Variants in EFCAB6 observed in about 807,000 individuals in gnomAD.
The protein encoded by EFCAB6 is EF-hand calcium-binding domain-containing protein 6.
In EFCAB6, 156 loss-of-function variants were observed where a neutral mutation model predicts 169.8. The observed-to-expected ratio is 0.92, with a 90% CI of 0.81 to 1.05. The LOEUF is 1.05. Ranked by LOEUF, EFCAB6 falls within the 50% of genes least tolerant of loss-of-function variation. EFCAB6 has a pLI of 0.00. For synonymous variants in EFCAB6, 698 were observed against 676.4 expected (o/e 1.03, Z -0.50); for missense variants, 1,800 against 1,829.1 (o/e 0.98, Z 0.29).
intron 13 of EFCAB6, among the ~76,000 whole-genome samples, chr22:43,672,893 T>A (rs2057555868): frequency 6.8e-6 from 1 of 148,080 alleles, no homozygotes; most frequent in African/African-American, 2.5e-5. Flanking sequence ...TAAAAAAAAA[T>A]AGCATTTAAC....
chr22:43,577,799 C>T (rs898790773), intron 25 of EFCAB6, among the ~76,000 whole-genome samples: 1 of 151,740 alleles, frequency 6.6e-6, no homozygotes, highest in Non-Finnish European at 1.5e-5. Context: ...TCCTTCCCTC[C>T]CCACATTTAA....
At chr22:43,563,220 A>G (rs1031807502) in intron 26 of EFCAB6, among the ~76,000 whole-genome samples, 3 of 152,172 alleles carry the variant, frequency 2.0e-5, no homozygotes, top group African/African-American at 7.2e-5. Context: ...TCATAAACCC[A>G]GGGCTCAGGC....
chr22:43,574,074 C>G (rs2050070129), intron 26 of EFCAB6, among the ~76,000 whole-genome samples: 3 of 151,644 alleles, frequency 2.0e-5, no homozygotes, highest in Admixed American at 2.0e-4. Flanking sequence ...GAAATGAACC[C>G]AAAATGTAGA....
intron 10 of EFCAB6, among the ~76,000 whole-genome samples, chr22:43,700,624 C>T (rs1361009018): frequency 6.6e-6 from 1 of 152,180 alleles, no homozygotes; most frequent in Admixed American, 6.5e-5. Context: ...TGGAGACTCA[C>T]CTTCCCTCAC....
At chr22:43,587,250 G>GGA (rs1423554786) in intron 24 of EFCAB6, among the ~76,000 whole-genome samples, 284 of 152,282 alleles carry the variant, frequency 1.9e-3, no homozygotes, top group African/African-American at 6.5e-3. Context: ...TTGTTTCTGA[G>GGA]CAGGAGGGCA....
intron 25 of EFCAB6, among the ~76,000 whole-genome samples, chr22:43,580,158 G>A (rs992757985): frequency 6.6e-6 from 1 of 152,132 alleles, no homozygotes; most frequent in African/African-American, 2.4e-5. Flanking sequence ...TGGCTGCGTT[G>A]AGAGCTCCCA....
At chr22:43,681,435 C>T (rs572664565) in intron 12 of EFCAB6, among the ~76,000 whole-genome samples, 1 of 152,234 alleles carries the variant, frequency 6.6e-6, no homozygotes, top group East Asian at 1.9e-4. Flanking sequence ...GATGCCTTTG[C>T]TTGGTTTTGG....
chr22:43,695,314 T>C (rs1161753217), intron 10 of EFCAB6, among the ~76,000 whole-genome samples: 1 of 151,998 alleles, frequency 6.6e-6, no homozygotes, highest in African/African-American at 2.4e-5. Flanking sequence ...GATCCGAACA[T>C]TGTAAACAAT....
chr22:43,794,730 T>A (rs2148134577), intron 2 of EFCAB6, among the ~76,000 whole-genome samples: 2 of 152,342 alleles, frequency 1.3e-5, no homozygotes, highest in Admixed American at 1.3e-4. Flanking sequence ...CCAGCATTCG[T>A]GCCACCAACA....
At chr22:43,577,055 G>A (rs536281450) in intron 25 of EFCAB6, among the ~76,000 whole-genome samples, 51 of 152,300 alleles carry the variant, frequency 3.3e-4, no homozygotes, top group Non-Finnish European at 5.9e-5. Context: ...TGAGGTTGCT[G>A]TCCTTTCCTG....
At chr22:43,767,482 A>G (rs1028606431) in intron 4 of EFCAB6, among the ~76,000 whole-genome samples, 6 of 152,236 alleles carry the variant, frequency 3.9e-5, no homozygotes, top group Admixed American at 2.6e-4. Flanking sequence ...TTTGGAAGTG[A>G]TAAGAGGAAA....
chr22:43,579,296 T>C (rs563628277), intron 25 of EFCAB6, among the ~76,000 whole-genome samples: 1 of 150,722 alleles, frequency 6.6e-6, no homozygotes, highest in South Asian at 2.1e-4. Flanking sequence ...GCAGGCATTA[T>C]TTCCTACAGA....
At chr22:43,766,177 AGGCACACAT>A (rs2061321989) in intron 4 of EFCAB6, among the ~76,000 whole-genome samples, 1 of 152,126 alleles carries the variant, frequency 6.6e-6, no homozygotes, top group African/African-American at 2.4e-5. Flanking sequence ...CTGGGACTAT[AGGCACACAT>A]CACACCCAGC....
intron 2 of EFCAB6, among the ~76,000 whole-genome samples, chr22:43,797,768 T>G (rs1466501148): frequency 6.6e-6 from 1 of 151,998 alleles, no homozygotes; most frequent in Non-Finnish European, 1.5e-5. Flanking sequence ...ACCAAAGTCC[T>G]TGGTGTCTTT....
intron 15 of EFCAB6, among the ~76,000 whole-genome samples, chr22:43,671,309 C>A (rs1473729004): frequency 6.6e-6 from 1 of 152,174 alleles, no homozygotes; most frequent in African/African-American, 2.4e-5. Context: ...TCAAGTGATT[C>A]TCCTGCCTCA....
intron 17 of EFCAB6, among the ~76,000 whole-genome samples, chr22:43,636,469 C>T (rs1193821872): frequency 6.6e-6 from 1 of 152,100 alleles, no homozygotes; most frequent in African/African-American, 2.4e-5. Flanking sequence ...CTCATTTAAT[C>T]CTCAGCAGAA....
chr22:43,751,713 G>A (rs1603327201), intron 6 of EFCAB6, among the ~76,000 whole-genome samples: 1 of 152,220 alleles, frequency 6.6e-6, no homozygotes, highest in Non-Finnish European at 1.5e-5. Context: ...ACCGACTTGT[G>A]CGGTGATGAT....
chr22:43,532,930 C>T (rs544502075), intron 30 of EFCAB6, among the ~76,000 whole-genome samples: 2 of 152,380 alleles, frequency 1.3e-5, no homozygotes, highest in South Asian at 2.1e-4. Context: ...CCCAAATCGA[C>T]AGCACCAGAT....
chr22:43,801,151 T>C (rs1382373559), intron 2 of EFCAB6, among the ~76,000 whole-genome samples: 1 of 152,086 alleles, frequency 6.6e-6, no homozygotes, highest in East Asian at 1.9e-4. Flanking sequence ...AGAAATCATA[T>C]AGCCAGGAGG....
Sources: allele counts gnomAD v4.1 joint callset (sites outside exome capture counted in the v4.1 genomes callset), GRCh38; gene constraint gnomAD v4.1.1; transcripts MANE v1.5; gene names NCBI Gene and HGNC (gene_info 2026-07-23, HGNC 2026-07-21).